CHODL: variants seen among roughly 807,000 people sequenced by gnomAD.
CHODL encodes chondrolectin, also known as transmembrane protein MT75.
In CHODL, 29 loss-of-function variants were observed where a neutral mutation model predicts 34.5. The observed-to-expected ratio is 0.84, with a 90% CI of 0.63 to 1.15. The LOEUF (loss-of-function observed/expected upper bound fraction) is 1.15. Among genes scored for constraint, CHODL ranks in the 50% most tolerant of loss-of-function variants. The pLI, the probability that CHODL is intolerant of heterozygous loss-of-function variation, is 0.00. For missense variants in CHODL, 332 were observed against 332.5 expected, an observed-to-expected ratio of 1.00 and a Z score of 0.01; for synonymous variants, 125 against 116.1, an observed-to-expected ratio of 1.08 and a Z score of -0.49.
chr21:18,090,622 G>T (rs919230334), intron 2 of CHODL, among the ~76,000 whole-genome samples: 1 of 150,896 alleles, frequency 6.6e-6, no homozygotes, highest in African/African-American at 2.4e-5. Flanking sequence ...GAGGAAGTCT[G>T]CCACAGAGAG....
intron 2 of CHODL, among the ~76,000 whole-genome samples, chr21:18,159,330 G>A (rs937175857): frequency 2.0e-5 from 3 of 152,152 alleles, no homozygotes; most frequent in African/African-American, 7.2e-5. Flanking sequence ...GGTATATAAA[G>A]TTGCAAATAG....
intron 1 of CHODL, among the ~76,000 whole-genome samples, chr21:17,959,677 T>G (rs1298931713): frequency 1.3e-5 from 2 of 152,164 alleles, no homozygotes; most frequent in Admixed American, 1.3e-4. Context: ...TATTTTTCTT[T>G]TTTACTTTCC....
chr21:18,077,438 T>G (rs1440777331), intron 2 of CHODL, among the ~76,000 whole-genome samples: 2 of 152,130 alleles, frequency 1.3e-5, no homozygotes, highest in Non-Finnish European at 2.9e-5. Context: ...GATGAATATA[T>G]TTTGCAGGAT....
At chr21:17,984,484 A>G (rs1344505421) in intron 1 of CHODL, among the ~76,000 whole-genome samples, 1 of 152,062 alleles carries the variant, frequency 6.6e-6, no homozygotes, top group African/African-American at 2.4e-5. Context: ...CTCTTTATAT[A>G]GGATAGATAT....
intron 2 of CHODL, among the ~76,000 whole-genome samples, chr21:18,170,161 C>T (rs1348292121): frequency 1.3e-5 from 2 of 151,926 alleles, no homozygotes; most frequent in African/African-American, 4.8e-5. Context: ...GGAACGACTC[C>T]TTTACTGTCA....
At chr21:17,978,743 A>AC (rs1183867848) in intron 1 of CHODL, among the ~76,000 whole-genome samples, 4 of 149,852 alleles carry the variant, frequency 2.7e-5, no homozygotes, top group Non-Finnish European at 5.9e-5. Context: ...GAAAAAAAAA[A>AC]AAACAAACAA....
chr21:18,018,626 A>C (rs116129694), intron 1 of CHODL, among the ~76,000 whole-genome samples: 4,900 of 152,284 alleles, frequency 0.032, 284 homozygotes, highest in African/African-American at 0.11. Context: ...CACAGCCTGC[A>C]GAACTGTGAG....
intron 1 of CHODL, among the ~76,000 whole-genome samples, chr21:17,994,798 T>C (rs1455078520): frequency 2.6e-5 from 4 of 152,040 alleles, no homozygotes; most frequent in African/African-American, 9.7e-5. Context: ...GGTATGTGGG[T>C]GCCAGCAGTG....
At chr21:18,062,711 A>T (rs1003086754) in intron 2 of CHODL, among the ~76,000 whole-genome samples, 1 of 152,122 alleles carries the variant, frequency 6.6e-6, no homozygotes, top group African/African-American at 2.4e-5. Context: ...GGTTGCAGTG[A>T]GCCGAGATAG....
At chr21:17,950,670 G>A (rs757590074) in intron 1 of CHODL, among the ~76,000 whole-genome samples, 16 of 152,186 alleles carry the variant, frequency 1.1e-4, no homozygotes, top group East Asian at 9.7e-4. Context: ...CAGAGATTGC[G>A]GGCTGGGTAG....
chr21:18,250,994 G>A lies in CHODL; in HGVS notation c.80-5515G>A, dbSNP rs113600990. Among the ~76,000 whole-genome samples the A allele has an allele frequency of 9.9e-3, 1,505 of 151,346 alleles. 35 individuals are homozygous for A. The highest frequency in any genetic ancestry group is 0.034 in the African/African-American group (1,393 of 41,358). ...TATATAATTATAGCGTGAGATATTA[G>A]AAAATATTTATTATTTTCATAACTA... is the stretch of plus-strand genomic sequence containing the variant. On this transcript the variant is annotated intron_variant, in intron 1 of 5. Transcript: ENST00000299295.
intron 2 of CHODL, among the ~76,000 whole-genome samples, chr21:18,154,462 C>T (rs1157480005): frequency 5.3e-5 from 8 of 152,114 alleles, no homozygotes; most frequent in Non-Finnish European, 1.0e-4. Flanking sequence ...CGCAATTTAT[C>T]ATTCATGTAA....
intron 1 of CHODL, among the ~76,000 whole-genome samples, chr21:17,927,877 C>T (rs757886921): frequency 6.6e-6 from 1 of 152,212 alleles, no homozygotes; most frequent in Non-Finnish European, 1.5e-5. Context: ...AAAGATGTAG[C>T]TGCTCTTCCA....
intron 1 of CHODL, among the ~76,000 whole-genome samples, chr21:18,248,084 T>C (rs1046334381): frequency 2.0e-5 from 3 of 151,788 alleles, no homozygotes; most frequent in African/African-American, 7.3e-5. Context: ...AAAATGACAT[T>C]AGGAATATTT....
At chr21:18,096,227 A>G (rs1479383644) in intron 2 of CHODL, among the ~76,000 whole-genome samples, 2 of 152,162 alleles carry the variant, frequency 1.3e-5, no homozygotes, top group African/African-American at 4.8e-5. Flanking sequence ...CTAAGGATGT[A>G]TGTCACCTCA....
chr21:18,102,398 G>A (rs1198227551), intron 2 of CHODL, among the ~76,000 whole-genome samples: 1 of 152,150 alleles, frequency 6.6e-6, no homozygotes, highest in African/African-American at 2.4e-5. Context: ...AATTGTACAA[G>A]GTGACTGAGC....
intron 2 of CHODL, among the ~76,000 whole-genome samples, chr21:18,168,619 G>T (rs1253743865): frequency 2.0e-5 from 3 of 152,070 alleles, no homozygotes; most frequent in African/African-American, 7.2e-5. Context: ...TTTAAAATGT[G>T]GTTGTCTTTT....
chr21:18,155,822 T>A (rs2073027434), intron 2 of CHODL, among the ~76,000 whole-genome samples: 2 of 152,224 alleles, frequency 1.3e-5, no homozygotes, highest in South Asian at 4.1e-4. Context: ...GGCTACTGAT[T>A]TAATTCTAGT....
Position 18,145,337 on chromosome 21 carries a change from T to G in CHODL, c.-44-111172T>G, listed in dbSNP as rs542572017. ...CTGTAGTCCCAGCTACTCGGGAGGC[T>G]GAGGCAGGAGAATGGCGTGAACCCG... On this transcript the variant is annotated intron_variant, in intron 2 of 6. Coordinates refer to the CHODL transcript ENST00000400127. Among the ~76,000 whole-genome samples the G allele has an allele frequency of 7.7e-4, 109 of 140,988 alleles. 1 individual carries two copies. The South Asian group carries it at 0.019, about 24-fold the overall frequency. The allele number at this position is 140,988 out of a possible 152,430, so 92.5% of individuals were successfully genotyped here.
Sources: gnomAD v4.1 joint callset for allele counts (sites outside exome capture counted in the v4.1 genomes callset) on GRCh38, gnomAD v4.1.1 for gene constraint, MANE v1.5 for transcripts, NCBI Gene and HGNC (gene_info 2026-07-23, HGNC 2026-07-21) for gene names.